PRDX5: variants seen among roughly 807,000 people sequenced by gnomAD.
PRDX5 encodes the protein peroxiredoxin 5.
PRDX5 carries 21 observed loss-of-function variants against 23.8 expected under a neutral mutation model. The ratio of observed to expected loss-of-function variants is 0.88; its 90% CI spans 0.63 to 1.27. The LOEUF (loss-of-function observed/expected upper bound fraction) is 1.27, where lower values mean the gene tolerates loss of function less well. PRDX5 is among the 50% of genes most tolerant of loss of function. The probability of loss-of-function intolerance (pLI) is 0.00; values close to 1 mark genes in which losing one functional copy is unlikely to be tolerated. For synonymous variants in PRDX5, 111 were observed against 113.3 expected, an observed-to-expected ratio of 0.98 and a Z score of 0.13; for missense variants, 261 against 270.6, an observed-to-expected ratio of 0.96 and a Z score of 0.25.
At position 64,320,589 on chromosome 11, in the gene PRDX5, C is replaced by T. The variant is rs2035467557; in HGVS notation, c.307-72C>T. On this transcript the variant is annotated intron_variant, in intron 2 of 5. Transcript: ENST00000265462. Reference sequence around the variant, plus strand: ...TGTTGAGGCAGAGCACTGAGGAGGGCCTGGAGATAAAGGGTGGGCTGGGGG... The same window carrying T: ...TGTTGAGGCAGAGCACTGAGGAGGGTCTGGAGATAAAGGGTGGGCTGGGGG... 2.6e-6 allele frequency: 4 copies of T among 1,530,070 alleles called. No individual in the cohort carries two copies. The East Asian group carries it at 9.1e-5, about 35-fold the overall frequency. The allele number at this position is 1,530,070 out of a possible 1,614,324, so 94.8% of individuals were successfully genotyped here.
In PRDX5 at chr11:64,318,278, C is replaced by T. The variant is rs2035369718; in HGVS notation, c.63C>T (p.Ala21=). The T allele has an allele frequency of 1.2e-6, 2 of 1,612,442 alleles. No individual in the cohort carries two copies. Among genetic ancestry groups the T allele is most frequent in the South Asian group, 1.1e-5 (1 of 91,012 alleles). The change falls in exon 1 of 6, where the codon GCC becomes GCT. Residue 21 remains alanine (A), a synonymous_variant. Coordinates refer to ENST00000265462, the MANE Select transcript of PRDX5 (RefSeq NM_012094.5). ...RSAGYILVGG[A]GGQSAAAAAR... The stretch of plus-strand genomic sequence containing the variant: ...CGGGCTATATACTCGTCGGTGGGGC[C>T]GGCGGTCAGTCTGCGGCAGCGGCAG...
In PRDX5 at chr11:64,320,863, A is replaced by G. The variant is rs1192740938; in HGVS notation, c.439-2A>G. On this transcript the variant is annotated splice_acceptor_variant, in intron 3 of 5. Transcript: ENST00000265462. LOFTEE classifies it high-confidence loss of function. ...TTCTTGTGACCTTTACTTTCTCTGCAGGTTCGGCTCCTGGCTGATCCCACT... is the reference window on the plus strand; with the variant it reads ...TTCTTGTGACCTTTACTTTCTCTGCGGGTTCGGCTCCTGGCTGATCCCACT... 6.2e-7 allele frequency: 1 copy of G among 1,614,116 alleles called. No homozygotes were observed. Among genetic ancestry groups the G allele is most frequent in the East Asian group, 2.2e-5 (1 of 44,900 alleles).
chr11:64,319,896 G>T lies in PRDX5; in HGVS notation c.306+28G>T, dbSNP rs555461579. ...GAGGCCCTTCCCCTTCTGAAGATCA[G>T]GACCTGGGATCTTTTGTGTTGCTCT... On this transcript the variant is annotated intron_variant, in intron 2 of 5. Transcript: ENST00000265462. 24 of 1,611,002 alleles carry T rather than the reference G, an allele frequency of 1.5e-5. No individual in the cohort carries two copies. In the South Asian group the frequency reaches 2.2e-4, roughly 15 times the overall value.
chr11:64,319,589 C>G, intron 1 of PRDX5, 145 bp from the exon 2 acceptor site: 1 of 1,097,574 alleles, frequency 9.1e-7, no homozygotes, highest in Non-Finnish European at 1.3e-6. Context: ...CAGGGAGGGC[C>G]CTTGGAAACT....
intron 2 of PRDX5, among the ~76,000 whole-genome samples, chr11:64,320,072 G>A (rs1432208537): frequency 6.6e-6 from 1 of 152,184 alleles, no homozygotes; most frequent in African/African-American, 2.4e-5. Flanking sequence ...GAGGTCAGGA[G>A]TTCAAAACCA....
chr11:64,319,688 T>C (rs1454227614), intron 1 of PRDX5, 46 bp from the exon 2 acceptor site: 2 of 1,580,640 alleles, frequency 1.3e-6, no homozygotes, highest in Non-Finnish European at 1.7e-6. Flanking sequence ...GCCTCTGGTT[T>C]GCCCCGGCTC....
At chr11:64,318,478 C>A (rs1213841877) in intron 1 of PRDX5, 92 bp downstream of exon 1, 1 of 1,459,626 alleles carries the variant, frequency 6.9e-7, no homozygotes, top group East Asian at 2.5e-5. Flanking sequence ...TATTTCCTGC[C>A]TGCCAGACCC....
At position 64,321,715 on chromosome 11, in the gene PRDX5, C is replaced by T. The variant is rs769861653; in HGVS notation, c.*24C>T. ...GAGGCCCTGGGCCAGATTACTTCCTCCACCCCTCCCTATCTCACCTGCCCA... is the reference window on the plus strand; with the variant it reads ...GAGGCCCTGGGCCAGATTACTTCCTTCACCCCTCCCTATCTCACCTGCCCA... On this transcript the variant is annotated 3_prime_UTR_variant, in exon 6 of 6. Transcript: ENST00000265462. 1.9e-6 allele frequency: 3 copies of T among 1,546,236 alleles called. No individual in the cohort carries two copies. The highest frequency in any genetic ancestry group is 2.6e-6 in the Non-Finnish European group (3 of 1,143,954).
Position 64,321,036 on chromosome 11 carries a change from G to A in PRDX5, c.507G>A (p.Leu169=), listed in dbSNP as rs1226262855. The A allele has an allele frequency of 1.2e-6, 2 of 1,614,064 alleles. No individual in the cohort carries two copies. Among genetic ancestry groups the A allele is most frequent in the South Asian group, 1.1e-5 (1 of 91,074 alleles). ...KETDLLLDDS[L]VSIFGNRRLK... ...CAGACTTATTACTAGATGATTCGCTGGTGTCCATCTTTGGGAATCGACGTC... is the reference window on the plus strand; with the variant it reads ...CAGACTTATTACTAGATGATTCGCTAGTGTCCATCTTTGGGAATCGACGTC... The change falls in exon 5 of 6, where the codon CTG becomes CTA. Residue 169 remains leucine (L), a synonymous_variant. Transcript: ENST00000265462.
At chr11:64,319,653 T>C in intron 1 of PRDX5, 81 bp from the exon 2 acceptor site, 1 of 1,504,812 alleles carries the variant, frequency 6.6e-7, no homozygotes, top group East Asian at 2.3e-5. Context: ...CAGGCACAGC[T>C]GCCAGGCTCT....
chr11:64,321,466 T>A (rs915983641), intron 5 of PRDX5, 120 bp from the exon 6 acceptor site: 1 of 1,477,606 alleles, frequency 6.8e-7, no homozygotes, highest in South Asian at 1.3e-5. Flanking sequence ...TGGGGGAGAG[T>A]CCTCTGTGGG....
chr11:64,319,462 C>G (rs1354706222), intron 1 of PRDX5, among the ~76,000 whole-genome samples: 1 of 152,190 alleles, frequency 6.6e-6, no homozygotes, highest in Non-Finnish European at 1.5e-5. Flanking sequence ...GTTATGCAAC[C>G]CTTTGCGACA....
In PRDX5 at chr11:64,320,498, C is replaced by T. The variant is rs529244046; in HGVS notation, c.307-163C>T. On this transcript the variant is annotated intron_variant, in intron 2 of 5. Transcript: ENST00000265462. Reference sequence around the variant, plus strand: ...ATAAGGCATTAGGTTTCATTCTGAGCTTCCTAGTGGCCAAGGCAAAAAGGA... The same window carrying T: ...ATAAGGCATTAGGTTTCATTCTGAGTTTCCTAGTGGCCAAGGCAAAAAGGA... Among the ~76,000 whole-genome samples the T allele has an allele frequency of 2.6e-5, 4 of 152,332 alleles. No homozygotes were observed. The East Asian group carries it at 7.7e-4, about 29-fold the overall frequency.
At position 64,320,732 on chromosome 11, in the gene PRDX5, G is replaced by C. The variant is rs777327187; in HGVS notation, c.378G>C (p.Leu126=). Residue 126 remains leucine (L), a synonymous_variant, in exon 3 of 6, where the codon CTG becomes CTC. Transcript: ENST00000265462. ...AGGGAGTCCAGGTGGTGGCCTGTCT[G>C]AGTGTTAATGATGCCTTTGTGACTG... ...KAKGVQVVAC[L]SVNDAFVTGE... 3.7e-6 allele frequency: 6 copies of C among 1,613,972 alleles called. No individual in the cohort carries two copies. The highest frequency in any genetic ancestry group is 4.2e-6 in the Non-Finnish European group (5 of 1,179,952).
In PRDX5 at chr11:64,318,317, T is replaced by G. The variant is rs760363588; in HGVS notation, c.102T>G (p.Ser34Arg). 6.2e-7 allele frequency: 1 copy of G among 1,612,528 alleles called. No homozygotes were observed. The stretch of plus-strand genomic sequence containing the variant: ...CGGCAGCGGCAGCAAGACGGTACAG[T>G]GAAGGAGAGTGGGCGTCTGGCGGGG... ...QSAAAAARRY[S>R]EGEWASGGVR... The change falls in exon 1 of 6, where the codon AGT becomes AGG. Residue 34 changes from serine to arginine, a missense_variant. Physicochemically the swap from Ser to Arg is moderately radical, Grantham distance 110 (BLOSUM62 -1). Coordinates refer to ENST00000265462, the MANE Select transcript of PRDX5 (RefSeq NM_012094.5).
Position 64,320,530 on chromosome 11 carries a change from A to T in PRDX5, c.307-131A>T. The T allele has an allele frequency of 6.7e-6, 9 of 1,336,282 alleles. No individual in the cohort carries two copies. In the South Asian group the frequency reaches 1.3e-4, roughly 19 times the overall value. The allele number at this position is 1,336,282 out of a possible 1,614,324, so 82.8% of individuals were successfully genotyped here. A position where few individuals can be genotyped will look rare whatever the true frequency, so the allele number is the denominator to read the frequency against. ...GTGGCCAAGGCAAAAAGGAAATAGAATGGTTTAGACAGCTCTCATTGTCTG... is the reference window on the plus strand; with the variant it reads ...GTGGCCAAGGCAAAAAGGAAATAGATTGGTTTAGACAGCTCTCATTGTCTG... On this transcript the variant is annotated intron_variant, in intron 2 of 5. Coordinates refer to ENST00000265462, the MANE Select transcript of PRDX5 (RefSeq NM_012094.5).
Position 64,320,770 on chromosome 11 carries a change from G to A in PRDX5, c.416G>A (p.Arg139Gln), listed in dbSNP as rs762448061. 1.9e-6 allele frequency: 3 copies of A among 1,614,016 alleles called. No homozygotes were observed. The highest frequency in any genetic ancestry group is 4.5e-5 in the East Asian group (2 of 44,898). ...NDAFVTGEWG[R>Q]AHKAEGKVRL... is the part of the protein sequence containing the mutation. ...GCCTTTGTGACTGGCGAGTGGGGCCGAGCCCACAAGGCGGAAGGCAAGGTG... is the reference window on the plus strand; with the variant it reads ...GCCTTTGTGACTGGCGAGTGGGGCCAAGCCCACAAGGCGGAAGGCAAGGTG... The change falls in exon 3 of 6, where the codon CGA (arginine) becomes CAA (glutamine). Residue 139 changes from arginine (R) to glutamine (Q), a missense_variant. Physicochemically the swap from Arg to Gln is conservative, Grantham distance 43. Transcript: ENST00000265462.
chr11:64,321,461 G>GA, intron 5 of PRDX5, 125 bp from the exon 6 acceptor site: 1 of 1,464,976 alleles, frequency 6.8e-7, no homozygotes, highest in South Asian at 1.3e-5. Context: ...CTCTGTGGGG[G>GA]AGAGTCCTCT....
chr11:64,318,135 C>T lies in PRDX5; in HGVS notation c.-81C>T. The T allele has an allele frequency of 1.3e-6, 2 of 1,570,288 alleles. No homozygotes were observed. The highest frequency in any genetic ancestry group is 2.3e-5 in the East Asian group (1 of 43,044). On this transcript the variant is annotated 5_prime_UTR_variant, in exon 1 of 6. Transcript: ENST00000265462. ...CCCAGGCCCGCCTTCCGCAGGGTGT[C>T]GCCGCTGTGCCGCTAGCGGTGCCCC...
Sources: allele counts gnomAD v4.1 joint callset (sites outside exome capture counted in the v4.1 genomes callset), GRCh38; gene constraint gnomAD v4.1.1; transcripts MANE v1.5; gene names NCBI Gene and HGNC (gene_info 2026-07-23, HGNC 2026-07-21).